Variants in ABHD5 observed in about 807,000 individuals in gnomAD.
ABHD5 encodes 1-acylglycerol-3-phosphate O-acyltransferase ABHD5.
Under a neutral mutation model 44.9 loss-of-function variants are expected in ABHD5, and 30 were observed. The observed-to-expected ratio is 0.67, with a 90% CI of 0.50 to 0.91. The LOEUF (loss-of-function observed/expected upper bound fraction) is 0.91. ABHD5 is among the 40% of genes least tolerant of loss of function. ABHD5 has a pLI of 0.00. For synonymous variants in ABHD5, 167 were observed against 147.0 expected (o/e 1.14, Z -0.99); for missense variants, 399 against 423.4 (o/e 0.94, Z 0.50).
intron 3 of ABHD5, among the ~76,000 whole-genome samples, chr3:43,703,414 A>C (rs559737511): frequency 1.3e-5 from 2 of 152,136 alleles, no homozygotes; most frequent in East Asian, 3.9e-4. Context: ...CCTGACCTCA[A>C]GTGATCCACC....
intron 1 of ABHD5, among the ~76,000 whole-genome samples, chr3:43,697,299 A>T (rs2084485499): frequency 6.6e-6 from 1 of 152,260 alleles, no homozygotes; most frequent in South Asian, 2.1e-4. Flanking sequence ...TTTGTCTGTG[A>T]TATCAACTGG....
intron 7 of ABHD5, among the ~76,000 whole-genome samples, chr3:43,727,942 A>C (rs547727896): frequency 6.6e-6 from 1 of 152,204 alleles, no homozygotes; most frequent in African/African-American, 2.4e-5. Flanking sequence ...TGAGGCCCCA[A>C]ATGTAGCTGG....
At chr3:43,727,608 T>G (rs1012456038), downstream of ABHD5, among the ~76,000 whole-genome samples, 1 of 151,508 alleles carries the variant, frequency 6.6e-6, no homozygotes, top group Non-Finnish European at 1.5e-5. Flanking sequence ...TGTTTTTTGT[T>G]TGTTTGTTTG....
chr3:43,696,274 C>T (rs1362622272), intron 1 of ABHD5, among the ~76,000 whole-genome samples: 1 of 152,106 alleles, frequency 6.6e-6, no homozygotes, highest in Non-Finnish European at 1.5e-5. Flanking sequence ...TTAGGTTTTG[C>T]TTTTCTATTT....
chr3:43,708,612 C>T (rs1225829135), intron 3 of ABHD5, among the ~76,000 whole-genome samples: 2 of 152,096 alleles, frequency 1.3e-5, no homozygotes, highest in Non-Finnish European at 2.9e-5. Context: ...ACTTACTATT[C>T]GATGGCCACC....
At chr3:43,693,181 G>A (rs1208473880) in intron 1 of ABHD5, among the ~76,000 whole-genome samples, 1 of 152,154 alleles carries the variant, frequency 6.6e-6, no homozygotes, top group African/African-American at 2.4e-5. Flanking sequence ...TCAGTTGCAG[G>A]GTAGACCATA....
At chr3:43,717,453 T>C (rs938829290) in intron 5 of ABHD5, among the ~76,000 whole-genome samples, 1 of 152,234 alleles carries the variant, frequency 6.6e-6, no homozygotes, top group Non-Finnish European at 1.5e-5. Context: ...AAGAAAACTT[T>C]TTTAAAAATC....
intron 1 of ABHD5, among the ~76,000 whole-genome samples, chr3:43,692,070 C>T (rs2084399784): frequency 6.6e-6 from 1 of 152,030 alleles, no homozygotes; most frequent in African/African-American, 2.4e-5. Context: ...CAAGGCCTGT[C>T]GTTTGTATTG....
chr3:43,714,438 C>T (rs1483204119), intron 4 of ABHD5, among the ~76,000 whole-genome samples: 3 of 152,184 alleles, frequency 2.0e-5, no homozygotes, highest in African/African-American at 4.8e-5. Context: ...TGGGTGTCCT[C>T]GGCTTTTTCT....
downstream of ABHD5, among the ~76,000 whole-genome samples, chr3:43,724,455 T>C (rs1439193334): frequency 6.6e-6 from 1 of 152,180 alleles, no homozygotes; most frequent in Non-Finnish European, 1.5e-5. Flanking sequence ...ACAGCAATTT[T>C]GTTTCCAGGT....
intron 7 of ABHD5, among the ~76,000 whole-genome samples, chr3:43,732,562 G>A (rs1286119830): frequency 1.3e-5 from 2 of 152,182 alleles, no homozygotes; most frequent in Non-Finnish European, 2.9e-5. Context: ...CAAGCTTAAA[G>A]TCTTGTTAGA....
At chr3:43,709,187 G>A (rs1169489409) in intron 3 of ABHD5, among the ~76,000 whole-genome samples, 2 of 152,338 alleles carry the variant, frequency 1.3e-5, no homozygotes, top group East Asian at 3.9e-4. Flanking sequence ...CATGTGCTAA[G>A]CCTCATGCTA....
At chr3:43,707,998 TC>T (rs2149600047) in intron 3 of ABHD5, among the ~76,000 whole-genome samples, 1 of 152,346 alleles carries the variant, frequency 6.6e-6, no homozygotes, top group African/African-American at 2.4e-5. Flanking sequence ...GTCAGGCTTA[TC>T]TACCCTTGTT....
At chr3:43,723,529 T>C (rs2084857624), downstream of ABHD5, among the ~76,000 whole-genome samples, 1 of 152,252 alleles carries the variant, frequency 6.6e-6, no homozygotes, top group South Asian at 2.1e-4. Context: ...CAATGAGACA[T>C]GCTTCTGTTG....
Position 43,721,016 on chromosome 3 carries a change from G to T in ABHD5, c.*2484G>T, listed in dbSNP as rs1298210278. The stretch of plus-strand genomic sequence containing the variant: ...TGTAATATATATTTATACTTAAAGG[G>T]CCATACGCGATTTCAATAAAACAAG... On this transcript the variant is annotated 3_prime_UTR_variant, in exon 7 of 7. Coordinates refer to ENST00000644371, the MANE Select transcript of ABHD5 (RefSeq NM_016006.6). 3.3e-5 allele frequency: 5 copies of T among 151,614 alleles called. No individual in the cohort carries two copies. Among genetic ancestry groups the T allele is most frequent in the Non-Finnish European group, 1.5e-5 (1 of 67,966 alleles). 9.4% of individuals were successfully genotyped at this position (151,614 alleles called of 1,614,324 possible).
intron 1 of ABHD5, 114 bp downstream of exon 1, chr3:43,691,153 G>A: frequency 3.6e-6 from 4 of 1,126,106 alleles, no homozygotes; most frequent in African/African-American, 1.6e-5. Context: ...GCGACGACGG[G>A]CGGCTTCCTC....
At chr3:43,717,914 T>G (rs1386875434) in intron 6 of ABHD5, 57 bp downstream of exon 6, 2 of 1,607,540 alleles carry the variant, frequency 1.2e-6, no homozygotes, top group Non-Finnish European at 1.7e-6. Flanking sequence ...TTTTATTATC[T>G]CCCTTAAAAG....
At chr3:43,729,057 T>C (rs1174152491) in intron 7 of ABHD5, among the ~76,000 whole-genome samples, 1 of 152,174 alleles carries the variant, frequency 6.6e-6, no homozygotes, top group African/African-American at 2.4e-5. Context: ...AATATGAGCT[T>C]TTAAAGTTTT....
chr3:43,717,900 T>C (rs779830303), intron 6 of ABHD5, 43 bp downstream of exon 6: 2 of 1,611,254 alleles, frequency 1.2e-6, no homozygotes, highest in Admixed American at 3.3e-5. Context: ...ATAGGTGAGG[T>C]CCGTTTTATT....
Sources: allele counts gnomAD v4.1 joint callset (sites outside exome capture counted in the v4.1 genomes callset), GRCh38; gene constraint gnomAD v4.1.1; transcripts MANE v1.5; gene names NCBI Gene and HGNC (gene_info 2026-07-23, HGNC 2026-07-21).